TMEM184C: variants seen among roughly 807,000 people sequenced by gnomAD.
TMEM184C encodes transmembrane protein 184C, also known as transmembrane protein 34.
A neutral mutation model predicts 54.5 loss-of-function variants in TMEM184C; 25 were observed. The observed-to-expected ratio is 0.46, with a 90% CI of 0.33 to 0.64. The LOEUF is 0.64. Ranked by LOEUF, TMEM184C falls within the 30% of genes least tolerant of loss-of-function variation. The probability of loss-of-function intolerance (pLI) is 0.02; values close to 1 mark genes in which losing one functional copy is unlikely to be tolerated. For synonymous variants in TMEM184C, 148 were observed against 181.5 expected, an observed-to-expected ratio of 0.82 and a Z score of 1.49; for missense variants, 335 against 520.3, an observed-to-expected ratio of 0.64 and a Z score of 3.46.
chr4:147,618,251 C>A (rs984043139), intron 1 of TMEM184C, among the ~76,000 whole-genome samples, 172 bp downstream of exon 1: 2 of 152,170 alleles, frequency 1.3e-5, no homozygotes, highest in African/African-American at 2.4e-5. Flanking sequence ...TTCTTCAAGT[C>A]ATGCTACAGG....
chr4:147,621,898 C>T (rs983355957), intron 1 of TMEM184C, among the ~76,000 whole-genome samples: 2 of 152,218 alleles, frequency 1.3e-5, no homozygotes, highest in South Asian at 2.1e-4. Flanking sequence ...CATCATTTTT[C>T]TCTTAAGTGT....
rs922457679 is a variant in TMEM184C, at chr4:147,635,952, T to A, written c.*1518T>A. 3 of 152,148 alleles carry A rather than the reference T, an allele frequency of 2.0e-5. No homozygotes were observed. The highest frequency in any genetic ancestry group is 4.4e-5 in the Non-Finnish European group (3 of 67,994). 9.4% of individuals were successfully genotyped at this position (152,148 alleles called of 1,614,324 possible). A position where few individuals can be genotyped will look rare whatever the true frequency, so the allele number is the denominator to read the frequency against. On this transcript the variant is annotated 3_prime_UTR_variant, in exon 10 of 10. Coordinates refer to ENST00000296582, the MANE Select transcript of TMEM184C (RefSeq NM_018241.3). ...ACACCAAGGCAGTAAAAGATCTGTA[T>A]GTACACTGAAAACTATGAAACACTG...
At chr4:147,624,747 G>A in intron 3 of TMEM184C, 57 bp from the exon 4 acceptor site, 2 of 1,526,224 alleles carry the variant, frequency 1.3e-6, no homozygotes, top group Non-Finnish European at 1.8e-6. Flanking sequence ...CATGAATGGA[G>A]TGGTGATTCA....
chr4:147,620,607 T>C (rs1732691014), intron 1 of TMEM184C, among the ~76,000 whole-genome samples: 1 of 151,704 alleles, frequency 6.6e-6, no homozygotes. Context: ...ATAGCAGGAG[T>C]GGAAATGGAA....
chr4:147,634,224 A>G lies in TMEM184C; in HGVS notation c.1107A>G (p.Gln369=), dbSNP rs1198357978. 1.2e-6 allele frequency: 2 copies of G among 1,614,186 alleles called. No individual in the cohort carries two copies. The highest frequency in any genetic ancestry group is 1.3e-5 in the African/African-American group (1 of 75,056). The change falls in exon 10 of 10, where the codon CAA becomes CAG. Residue 369 remains glutamine, a synonymous_variant. Coordinates refer to ENST00000296582, the MANE Select transcript of TMEM184C (RefSeq NM_018241.3). ...AATTGTTTCCCGAGGATCAAGATCA[A>G]AATGAACATACAAGTTTATTATCAT... The part of the protein sequence containing the change: ...RKKLFPEDQD[Q]NEHTSLLSSS...
At chr4:147,621,687 CAT>C (rs1273624819) in intron 1 of TMEM184C, among the ~76,000 whole-genome samples, 2 of 152,014 alleles carry the variant, frequency 1.3e-5, no homozygotes, top group Non-Finnish European at 2.9e-5. Context: ...AAATTAATGA[CAT>C]TAATGTGGAG....
rs1732617086 is a variant in TMEM184C, at chr4:147,617,464, C to T, written c.-493C>T. On this transcript the variant is annotated 5_prime_UTR_variant, in exon 1 of 10. Transcript: ENST00000296582. ...AGAATGAGGAGATCCTGGGGCCTTACCTACTAGCGGAATCGACTGAAGAGA... is the reference window on the plus strand; with the variant it reads ...AGAATGAGGAGATCCTGGGGCCTTATCTACTAGCGGAATCGACTGAAGAGA... 6.2e-6 allele frequency: 1 copy of T among 161,864 alleles called. No individual in the cohort carries two copies. The highest frequency in any genetic ancestry group is 1.4e-5 in the Non-Finnish European group (1 of 72,234). The allele number at this position is 161,864 out of a possible 1,614,324, so 10.0% of individuals were successfully genotyped here.
At chr4:147,618,709 C>T (rs1001093606) in intron 1 of TMEM184C, among the ~76,000 whole-genome samples, 1 of 152,210 alleles carries the variant, frequency 6.6e-6, no homozygotes, top group African/African-American at 2.4e-5. Flanking sequence ...TACAGAGGAA[C>T]ACCTATTACA....
intron 8 of TMEM184C, among the ~76,000 whole-genome samples, 193 bp from the exon 9 acceptor site, chr4:147,633,572 A>G (rs1732955179): frequency 6.6e-6 from 1 of 152,126 alleles, no homozygotes; most frequent in Non-Finnish European, 1.5e-5. Context: ...ATAGATTCAC[A>G]TTTTGGCATT....
At chr4:147,629,751 CT>C in intron 6 of TMEM184C, 59 bp downstream of exon 6, 1 of 1,228,052 alleles carries the variant, frequency 8.1e-7, no homozygotes, top group Non-Finnish European at 1.1e-6. Context: ...AACTAAATTT[CT>C]TTAGACAAAG....
intron 4 of TMEM184C, among the ~76,000 whole-genome samples, chr4:147,625,771 G>C (rs1332578975): frequency 1.3e-5 from 2 of 152,184 alleles, no homozygotes; most frequent in African/African-American, 4.8e-5. Context: ...AACCGCCCAA[G>C]GGGTTCACTT....
chr4:147,631,593 C>T (rs879036196), intron 7 of TMEM184C, 88 bp downstream of exon 7: 18 of 888,380 alleles, frequency 2.0e-5, no homozygotes, highest in East Asian at 5.3e-5. Context: ...AGTCTTAATG[C>T]GGAAGATAGA....
Position 147,623,908 on chromosome 4 carries a change from G to A in TMEM184C, c.198G>A (p.Val66=). The A allele has an allele frequency of 6.2e-7, 1 of 1,613,896 alleles. No homozygotes were observed. The highest frequency in any genetic ancestry group is 1.7e-4 in the Middle Eastern group (1 of 6,058). The stretch of plus-strand genomic sequence containing the variant: ...TGACTATTCCTATATCACTGTGGGT[G>A]ATATTGCAACACTTAGTGCATTATA... ...LLLTIPISLW[V]ILQHLVHYTQ... Residue 66 remains valine, a synonymous_variant, in exon 2 of 10, where the codon GTG becomes GTA. Coordinates refer to ENST00000296582, the MANE Select transcript of TMEM184C (RefSeq NM_018241.3).
At position 147,633,041 on chromosome 4, in the gene TMEM184C, A is replaced by G. The variant is rs1320130887; in HGVS notation, c.879+39A>G. 7.1e-6 allele frequency: 11 copies of G among 1,557,522 alleles called. No homozygotes were observed. In the Admixed American group the frequency reaches 1.2e-4, roughly 17 times the overall value. ...TCTCTGAATTCAATAGAACTTTACTATTTGTTAAGCATTTTTACATATCTC... is the reference window on the plus strand; with the variant it reads ...TCTCTGAATTCAATAGAACTTTACTGTTTGTTAAGCATTTTTACATATCTC... On this transcript the variant is annotated intron_variant, in intron 8 of 9. Coordinates refer to ENST00000296582, the MANE Select transcript of TMEM184C (RefSeq NM_018241.3).
chr4:147,618,106 G>A lies in TMEM184C; in HGVS notation c.123+27G>A, dbSNP rs774579138. On this transcript the variant is annotated intron_variant, in intron 1 of 9. Coordinates refer to ENST00000296582, the MANE Select transcript of TMEM184C (RefSeq NM_018241.3). Reference sequence around the variant, plus strand: ...TAAGAGGGTTCTGCACCATCAGCCTGTACACTTTCTTCTACCCATCTATGG... The same window carrying A: ...TAAGAGGGTTCTGCACCATCAGCCTATACACTTTCTTCTACCCATCTATGG... 8 of 1,613,046 alleles carry A rather than the reference G, an allele frequency of 5.0e-6. No individual in the cohort carries two copies. In the African/African-American group the frequency reaches 8.0e-5, roughly 16 times the overall value.
Position 147,634,571 on chromosome 4 carries a change from C to A in TMEM184C, c.*137C>A. ...AGCTGAAAGCCAGGTACAACTACTG[C>A]ATTTATATATGTAAGTTTTGTATAT... On this transcript the variant is annotated 3_prime_UTR_variant, in exon 10 of 10. Transcript: ENST00000296582. The A allele has an allele frequency of 1.1e-6, 1 of 921,328 alleles. No individual in the cohort carries two copies. The highest frequency in any genetic ancestry group is 1.6e-6 in the Non-Finnish European group (1 of 622,608). The allele number at this position is 921,328 out of a possible 1,614,324, so 57.1% of individuals were successfully genotyped here. A position where few individuals can be genotyped will look rare whatever the true frequency, so the allele number is the denominator to read the frequency against.
intron 4 of TMEM184C, among the ~76,000 whole-genome samples, chr4:147,628,100 AGTAAGCCAT>A (rs1732847395): frequency 6.6e-6 from 1 of 152,242 alleles, no homozygotes; most frequent in Non-Finnish European, 1.5e-5. Context: ...TCAAGGCTGC[AGTAAGCCAT>A]GTTCACACCA....
At chr4:147,621,699 G>A (rs1732712327) in intron 1 of TMEM184C, among the ~76,000 whole-genome samples, 1 of 152,128 alleles carries the variant, frequency 6.6e-6, no homozygotes, top group Non-Finnish European at 1.5e-5. Context: ...TTAATGTGGA[G>A]AGATGATGTT....
chr4:147,621,942 T>C (rs1313550489), intron 1 of TMEM184C, among the ~76,000 whole-genome samples: 1 of 152,036 alleles, frequency 6.6e-6, no homozygotes, highest in African/African-American at 2.4e-5. Flanking sequence ...ACTAAAGCAA[T>C]CAAAATAAGC....
Sources: gnomAD v4.1 joint callset for allele counts (sites outside exome capture counted in the v4.1 genomes callset) on GRCh38, gnomAD v4.1.1 for gene constraint, MANE v1.5 for transcripts, NCBI Gene and HGNC (gene_info 2026-07-23, HGNC 2026-07-21) for gene names.